ZNF670: variants seen among roughly 807,000 people sequenced by gnomAD.
ZNF670 encodes the protein zinc finger protein 670.
ZNF670 carries 7 observed loss-of-function variants against 10.9 expected under a neutral mutation model. The ratio of observed to expected loss-of-function variants is 0.64; its 90% CI spans 0.36 to 1.20. The LOEUF is 1.20. ZNF670 is among the 50% of genes most tolerant of loss of function. ZNF670 has a pLI of 0.02. For missense variants in ZNF670, 446 were observed against 458.6 expected (o/e 0.97, Z 0.25); for synonymous variants, 136 against 152.7 (o/e 0.89, Z 0.81).
In ZNF670 at chr1:247,038,235, G is replaced by A. The variant is rs144427052; in HGVS notation, c.384C>T (p.Asn128=). The A allele has an allele frequency of 1.9e-6, 3 of 1,614,030 alleles. No homozygotes were observed. Among genetic ancestry groups the A allele is most frequent in the East Asian group, 2.2e-5 (1 of 44,880 alleles). Residue 128 remains asparagine (N), a synonymous_variant, in exon 4 of 4, where the codon AAC becomes AAT. Coordinates refer to ENST00000366503, the MANE Select transcript of ZNF670 (RefSeq NM_033213.5). ...GACATTCCTCACACTCAAATAGTTT[G>A]TTTCCAATGTGAGACAGGATGTGCC... ...LHRHILSHIG[N]KLFECEECPE...
In ZNF670 at chr1:247,073,173, T is replaced by C. The variant is rs74152904; in HGVS notation, c.3+5421A>G. Among the ~76,000 whole-genome samples, 1,006 of 152,282 alleles carry C rather than the reference T, an allele frequency of 6.6e-3. 15 individuals carry two copies. Among genetic ancestry groups the C allele is most frequent in the African/African-American group, 0.022 (932 of 41,564 alleles). ...TATTCCAAGAATTATCTACGATTTT[T>C]TCAGGTCATATCACCCAATTCACTC... On this transcript the variant is annotated intron_variant, in intron 1 of 3. Coordinates refer to ENST00000366503, the MANE Select transcript of ZNF670 (RefSeq NM_033213.5).
chr1:247,056,440 T>C (rs1639097095), intron 1 of ZNF670, among the ~76,000 whole-genome samples: 1 of 152,066 alleles, frequency 6.6e-6, no homozygotes, highest in Non-Finnish European at 1.5e-5. Context: ...CATGAAGAAA[T>C]TTAAAAGGAA....
At chr1:247,063,748 C>T (rs1157364967) in intron 1 of ZNF670, among the ~76,000 whole-genome samples, 1 of 151,946 alleles carries the variant, frequency 6.6e-6, no homozygotes, top group Non-Finnish European at 1.5e-5. Context: ...ACCAGTGACC[C>T]CACGGACCAC....
intron 1 of ZNF670, among the ~76,000 whole-genome samples, chr1:247,066,895 C>A (rs1408866665): frequency 3.3e-5 from 5 of 152,314 alleles, no homozygotes; most frequent in South Asian, 4.1e-4. Context: ...CTCTCTCAAC[C>A]AATTGCCAAT....
At chr1:247,066,707 C>T (rs1161447170) in intron 1 of ZNF670, among the ~76,000 whole-genome samples, 3 of 152,190 alleles carry the variant, frequency 2.0e-5, no homozygotes, top group East Asian at 1.9e-4. Context: ...ACCCTCCTCA[C>T]TTTTGGAATT....
chr1:247,070,171 C>T lies in ZNF670; in HGVS notation c.3+8423G>A, dbSNP rs116309283. ...ATAAAAAAATTAAGAAAAAAAACATCGATTAAAGACTTAAATGTGGCCAGG... is the reference window on the plus strand; with the variant it reads ...ATAAAAAAATTAAGAAAAAAAACATTGATTAAAGACTTAAATGTGGCCAGG... On this transcript the variant is annotated intron_variant, in intron 1 of 3. Coordinates refer to ENST00000366503, the MANE Select transcript of ZNF670 (RefSeq NM_033213.5). 8.8e-3 allele frequency among the ~76,000 whole-genome samples: 1,340 copies of T among 151,978 alleles called. 14 individuals carry two copies. The highest frequency in any genetic ancestry group is 0.031 in the African/African-American group (1,275 of 41,444).
chr1:247,076,250 G>A (rs1671249319), intron 1 of ZNF670, among the ~76,000 whole-genome samples: 1 of 150,630 alleles, frequency 6.6e-6, no homozygotes, highest in African/African-American at 2.5e-5. Flanking sequence ...GCCCCACTGT[G>A]TGCTTGAATT....
At chr1:247,050,310 A>C (rs1670560528) in intron 1 of ZNF670, among the ~76,000 whole-genome samples, 1 of 152,016 alleles carries the variant, frequency 6.6e-6, no homozygotes, top group Non-Finnish European at 1.5e-5. Context: ...ATTGCTTTAA[A>C]GTTTGTTTTC....
chr1:247,051,443 C>G (rs536507266), intron 1 of ZNF670, among the ~76,000 whole-genome samples: 1 of 152,102 alleles, frequency 6.6e-6, no homozygotes, highest in Non-Finnish European at 1.5e-5. Context: ...ATGATAGAAC[C>G]CCAATCTCTT....
intron 1 of ZNF670, among the ~76,000 whole-genome samples, chr1:247,058,003 TG>T (rs1670760217): frequency 6.6e-6 from 1 of 152,230 alleles, no homozygotes; most frequent in African/African-American, 2.4e-5. Flanking sequence ...ATAAACAGTT[TG>T]TAACACAAAA....
At chr1:247,054,796 G>A (rs889288586) in intron 1 of ZNF670, among the ~76,000 whole-genome samples, 10 of 152,020 alleles carry the variant, frequency 6.6e-5, no homozygotes, top group African/African-American at 2.2e-4. Flanking sequence ...AGGAAACTTT[G>A]AGCTATGCTT....
chr1:247,049,662 C>G (rs1372925576), intron 1 of ZNF670, among the ~76,000 whole-genome samples: 1 of 152,166 alleles, frequency 6.6e-6, no homozygotes, highest in Non-Finnish European at 1.5e-5. Flanking sequence ...TTTAATGATA[C>G]AAACTTTTGT....
chr1:247,067,606 G>T (rs1277926034), intron 1 of ZNF670, among the ~76,000 whole-genome samples: 5 of 151,378 alleles, frequency 3.3e-5, no homozygotes, highest in African/African-American at 1.2e-4. Context: ...ACTTTGGGAG[G>T]CCGAGGCGGG....
intron 1 of ZNF670, among the ~76,000 whole-genome samples, chr1:247,056,238 CA>C (rs779809670): frequency 2.6e-4 from 40 of 152,202 alleles, no homozygotes; most frequent in Middle Eastern, 3.4e-3. Flanking sequence ...TTCTTTTCAT[CA>C]GAACATGAAT....
intron 1 of ZNF670, among the ~76,000 whole-genome samples, chr1:247,052,612 C>G (rs1305338969): frequency 2.0e-5 from 3 of 152,130 alleles, no homozygotes; most frequent in African/African-American, 4.8e-5. Context: ...TGGGCAGACT[C>G]AGAATCTCTG....
chr1:247,043,881 T>A, intron 1 of ZNF670: 1 of 324,814 alleles, frequency 3.1e-6, no homozygotes. Context: ...AAAGGAGAAT[T>A]AAACTGAATC....
Position 247,038,873 on chromosome 1 carries a change from A to G in ZNF670, c.131-3T>C. The G allele has an allele frequency of 1.2e-6, 2 of 1,608,818 alleles. No individual in the cohort carries two copies. On this transcript the variant is annotated splice_polypyrimidine_tract_variant and splice_region_variant and intron_variant, in intron 2 of 3. Coordinates refer to ENST00000366503, the MANE Select transcript of ZNF670 (RefSeq NM_033213.5). ...ATTCTGGTCTTCTGATTTGTTTCCT[A>G]AAAGGTACAACCATAAGATTATTCA...
At chr1:247,043,462 A>C in intron 1 of ZNF670, 1 of 637,204 alleles carries the variant, frequency 1.6e-6, no homozygotes, top group South Asian at 1.5e-5. Flanking sequence ...ACTTTGAAGA[A>C]TATGCCTTGG....
Position 247,075,477 on chromosome 1 carries a change from A to G in ZNF670, c.3+3117T>C, listed in dbSNP as rs186961757. 3.9e-5 allele frequency among the ~76,000 whole-genome samples: 6 copies of G among 152,282 alleles called. No individual in the cohort carries two copies. The East Asian group carries it at 1.2e-3, about 29-fold the overall frequency. On this transcript the variant is annotated intron_variant, in intron 1 of 3. Transcript: ENST00000366503. ...ATAGTTTGGCTGTGTCCCTACTCAA[A>G]TCTCATCTTGAATTGTAACTCCCAC...
Sources: allele counts gnomAD v4.1 joint callset (sites outside exome capture counted in the v4.1 genomes callset), GRCh38; gene constraint gnomAD v4.1.1; transcripts MANE v1.5; gene names NCBI Gene and HGNC (gene_info 2026-07-23, HGNC 2026-07-21).